Variants in TMEM30A observed in about 807,000 individuals in gnomAD.
TMEM30A encodes cell division cycle 50 P4-ATPase accessory subunit A, also known as cell cycle control protein 50A.
TMEM30A carries 24 observed loss-of-function variants against 38.2 expected under a neutral mutation model. The observed-to-expected ratio is 0.63, with a 90% CI of 0.46 to 0.88. The LOEUF (loss-of-function observed/expected upper bound fraction) is 0.88. Among genes scored for constraint, TMEM30A ranks in the 40% least tolerant of loss-of-function variants. The pLI, the probability that TMEM30A is intolerant of heterozygous loss-of-function variation, is 0.00. For synonymous variants in TMEM30A, 145 were observed against 161.6 expected (o/e 0.90, Z 0.78); for missense variants, 370 against 458.6 (o/e 0.81, Z 1.77).
chr6:75,272,363 T>G (rs73451779), intron 1 of TMEM30A: 301 of 152,406 alleles, frequency 2.0e-3, no homozygotes, highest in African/African-American at 6.9e-3. Context: ...AAGCAAGTCC[T>G]AGCTCATAGC....
At chr6:75,256,772 A>G in intron 6 of TMEM30A, 1 of 485,014 alleles carries the variant, frequency 2.1e-6, no homozygotes. Flanking sequence ...AAGATCAAAA[A>G]GCATGGTAAT....
chr6:75,264,367 G>A (rs1048477466), intron 3 of TMEM30A, among the ~76,000 whole-genome samples: 1 of 152,230 alleles, frequency 6.6e-6, no homozygotes, highest in Non-Finnish European at 1.5e-5. Context: ...CGGACACGGT[G>A]GCTCAAGCCT....
chr6:75,281,991 T>C (rs886381386), intron 1 of TMEM30A, among the ~76,000 whole-genome samples: 11 of 152,232 alleles, frequency 7.2e-5, no homozygotes, highest in Non-Finnish European at 1.6e-4. Context: ...CACAACTGTA[T>C]GTCAGTGTCA....
chr6:75,267,254 GAATT>G (rs1330224859), intron 2 of TMEM30A, among the ~76,000 whole-genome samples: 22 of 152,248 alleles, frequency 1.4e-4, no homozygotes, highest in African/African-American at 5.1e-4. Context: ...AGTAATGGGA[GAATT>G]ATTTATTTTC....
At position 75,258,810 on chromosome 6, in the gene TMEM30A, C is replaced by T; in HGVS notation, c.862G>A (p.Ala288Thr). Reference sequence around the variant, plus strand: ...GTGACATTCAAAGAGTATCGGCCAGCTGGTAATGTTGGATGTAAATCACTT... The same window carrying T: ...GTGACATTCAAAGAGTATCGGCCAGTTGGTAATGTTGGATGTAAATCACTT... ...RKSDLHPTLP[A>T]GRYSLNVTYN... Residue 288 changes from alanine (A) to threonine (T), a missense_variant, in exon 6 of 7, where the codon GCT becomes ACT. By Grantham distance (58) the Ala-to-Thr change is moderately conservative. Coordinates refer to ENST00000230461, the MANE Select transcript of TMEM30A (RefSeq NM_018247.4). 1 of 1,613,874 alleles carries T rather than the reference C, an allele frequency of 6.2e-7. No individual in the cohort carries two copies. Among genetic ancestry groups the T allele is most frequent in the Non-Finnish European group, 8.5e-7 (1 of 1,179,824 alleles).
At chr6:75,283,804 C>T (rs1394460964) in intron 1 of TMEM30A, among the ~76,000 whole-genome samples, 3 of 152,162 alleles carry the variant, frequency 2.0e-5, no homozygotes, top group Non-Finnish European at 4.4e-5. Flanking sequence ...ATCGAATTAG[C>T]TCAAAATGAA....
intron 6 of TMEM30A, among the ~76,000 whole-genome samples, chr6:75,257,362 A>C (rs987618437): frequency 6.6e-6 from 1 of 152,168 alleles, no homozygotes; most frequent in African/African-American, 2.4e-5. Flanking sequence ...AAGTCTTCTC[A>C]ATCTGCCATA....
intron 3 of TMEM30A, among the ~76,000 whole-genome samples, chr6:75,264,992 C>T (rs1239298876): frequency 4.6e-5 from 7 of 151,752 alleles, no homozygotes; most frequent in Admixed American, 3.3e-4. Flanking sequence ...CCCAGCTACT[C>T]GGGAGACTGA....
At chr6:75,274,752 G>A (rs751526782) in intron 1 of TMEM30A, among the ~76,000 whole-genome samples, 19 of 151,814 alleles carry the variant, frequency 1.3e-4, no homozygotes, top group Non-Finnish European at 1.5e-4. Context: ...GGCCGGGCGC[G>A]GTGGCTCACA....
rs1405164080 is a variant in TMEM30A at position 75,284,727 on chromosome 6, T to G, written c.-89A>C. ...CTGACAGGAACCGCTCGAGCGCCGC[T>G]GCCGCCGCCGCCGCCGCAGCCACCA... On this transcript the variant is annotated 5_prime_UTR_variant, in exon 1 of 7. Coordinates refer to ENST00000230461, the MANE Select transcript of TMEM30A (RefSeq NM_018247.4). 4.4e-6 allele frequency: 6 copies of G among 1,354,922 alleles called. No individual in the cohort carries two copies. The highest frequency in any genetic ancestry group is 5.2e-6 in the Non-Finnish European group (5 of 966,364). The allele number at this position is 1,354,922 out of a possible 1,614,324, so 83.9% of individuals were successfully genotyped here.
At chr6:75,284,116 T>G in intron 1 of TMEM30A, 1 of 410,214 alleles carries the variant, frequency 2.4e-6, no homozygotes, top group East Asian at 5.8e-5. Flanking sequence ...TGAAGAAGCG[T>G]TCTCCACCTG....
chr6:75,263,255 G>A (rs904879969), intron 3 of TMEM30A, among the ~76,000 whole-genome samples: 11 of 152,202 alleles, frequency 7.2e-5, no homozygotes, highest in African/African-American at 2.7e-4. Context: ...AATGTAGCTG[G>A]AGCATGCCAA....
At chr6:75,264,121 A>T (rs1772020994) in intron 3 of TMEM30A, among the ~76,000 whole-genome samples, 1 of 152,256 alleles carries the variant, frequency 6.6e-6, no homozygotes, top group Non-Finnish European at 1.5e-5. Context: ...TATACCAAGG[A>T]ATCTTTAAGT....
intron 1 of TMEM30A, among the ~76,000 whole-genome samples, chr6:75,276,593 G>A (rs936512971): frequency 1.3e-5 from 2 of 151,962 alleles, no homozygotes; most frequent in African/African-American, 2.4e-5. Flanking sequence ...AGTGGTGTGC[G>A]AGACTAGGAA....
chr6:75,281,523 C>T (rs1266519119), intron 1 of TMEM30A, among the ~76,000 whole-genome samples: 8 of 152,062 alleles, frequency 5.3e-5, no homozygotes, highest in Non-Finnish European at 1.0e-4. Flanking sequence ...TAGAGGAAAT[C>T]TGCTACCAAA....
At chr6:75,261,969 G>A (rs1326325541) in intron 3 of TMEM30A, among the ~76,000 whole-genome samples, 9 of 152,198 alleles carry the variant, frequency 5.9e-5, no homozygotes, top group Non-Finnish European at 1.3e-4. Flanking sequence ...AGTTTTAAAA[G>A]AAAGGAAAAT....
chr6:75,264,766 G>A (rs1312400260), intron 3 of TMEM30A, among the ~76,000 whole-genome samples: 3 of 152,124 alleles, frequency 2.0e-5, no homozygotes, highest in Non-Finnish European at 4.4e-5. Flanking sequence ...GGGCATCAAT[G>A]CATCTGTGTG....
intron 1 of TMEM30A, among the ~76,000 whole-genome samples, chr6:75,279,087 C>T (rs1179606727): frequency 2.0e-5 from 3 of 146,358 alleles, no homozygotes; most frequent in African/African-American, 7.4e-5. Context: ...ATGCCAAGCT[C>T]CTTAAGAAGG....
chr6:75,274,997 C>G (rs373027888), intron 1 of TMEM30A, among the ~76,000 whole-genome samples: 1 of 123,470 alleles, frequency 8.1e-6, no homozygotes, highest in African/African-American at 3.1e-5. Flanking sequence ...GGTGACAGAT[C>G]GAGACTCTGT....
Sources: allele counts gnomAD v4.1 joint callset (sites outside exome capture counted in the v4.1 genomes callset), GRCh38; gene constraint gnomAD v4.1.1; transcripts MANE v1.5; gene names NCBI Gene and HGNC (gene_info 2026-07-23, HGNC 2026-07-21).